TMTC4: variants seen among roughly 807,000 people sequenced by gnomAD.
TMTC4 encodes transmembrane O-mannosyltransferase targeting cadherins 4, also known as protein O-mannosyl-transferase TMTC4.
In TMTC4, 65 loss-of-function variants were observed where a neutral mutation model predicts 86.0. That is an observed-to-expected ratio of 0.76 (90% confidence interval 0.62 to 0.93). The LOEUF is 0.93. Among genes scored for constraint, TMTC4 ranks in the 40% least tolerant of loss-of-function variants. The pLI is 0.00. For synonymous variants in TMTC4, 379 were observed against 382.5 expected, an observed-to-expected ratio of 0.99 and a Z score of 0.11; for missense variants, 866 against 948.1, an observed-to-expected ratio of 0.91 and a Z score of 1.14.
In TMTC4 at chr13:100,606,224, C is replaced by T. The variant is rs544888504; in HGVS notation, c.2134+134G>A. On this transcript the variant is annotated intron_variant, in intron 18 of 18. Coordinates refer to ENST00000342624, the MANE Select transcript of TMTC4 (RefSeq NM_032813.5). Reference sequence around the variant, plus strand: ...CTATCACTTTGCTATCTTTTTAATGCAATAACAGAACCACATTTTAAAGCC... The same window carrying T: ...CTATCACTTTGCTATCTTTTTAATGTAATAACAGAACCACATTTTAAAGCC... The T allele has an allele frequency of 1.1e-4, 83 of 766,576 alleles. No homozygotes were observed. In the African/African-American group the frequency reaches 1.3e-3, roughly 12 times the overall value. 47.5% of individuals were successfully genotyped at this position (766,576 alleles called of 1,614,324 possible).
intron 6 of TMTC4, 41 bp downstream of exon 6, chr13:100,656,340 T>A: frequency 3.2e-6 from 5 of 1,564,886 alleles, no homozygotes; most frequent in Non-Finnish European, 4.4e-6. Context: ...GACAAAAACA[T>A]GAAGAAGGTG....
chr13:100,665,327 G>T (rs1467004932), intron 3 of TMTC4, among the ~76,000 whole-genome samples: 2 of 152,178 alleles, frequency 1.3e-5, no homozygotes, highest in Admixed American at 1.3e-4. Flanking sequence ...GTGTTTTAGG[G>T]ACTAGAAATT....
At chr13:100,658,501 C>T (rs765840271) in intron 5 of TMTC4, among the ~76,000 whole-genome samples, 261 of 151,904 alleles carry the variant, frequency 1.7e-3, no homozygotes, top group Middle Eastern at 3.4e-3. Flanking sequence ...ACAAGCCTGT[C>T]CGAAGGGGAC....
intron 13 of TMTC4, 66 bp downstream of exon 13, chr13:100,626,005 T>G: frequency 6.2e-7 from 1 of 1,601,944 alleles, no homozygotes; most frequent in Non-Finnish European, 8.6e-7. Flanking sequence ...AAGGAACAGG[T>G]GTTTCATATT....
At chr13:100,661,464 AG>A (rs529642428) in intron 5 of TMTC4, among the ~76,000 whole-genome samples, 174 of 152,364 alleles carry the variant, frequency 1.1e-3, no homozygotes, top group South Asian at 4.3e-3. Flanking sequence ...TTAGACGAGA[AG>A]GAAGACAGAA....
chr13:100,674,545 A>G, intron 1 of TMTC4, 199 bp downstream of exon 1: 1 of 981,022 alleles, frequency 1.0e-6, no homozygotes, highest in Non-Finnish European at 1.2e-6. Context: ...CGGCTCACAC[A>G]GGGGCCCGCG....
chr13:100,607,024 T>C (rs1349557599), intron 17 of TMTC4, among the ~76,000 whole-genome samples: 1 of 152,200 alleles, frequency 6.6e-6, no homozygotes, highest in African/African-American at 2.4e-5. Context: ...TTCCAAGTCA[T>C]ACTCACTTCC....
chr13:100,665,496 G>A (rs937055612), intron 3 of TMTC4, among the ~76,000 whole-genome samples: 3 of 152,216 alleles, frequency 2.0e-5, no homozygotes, highest in Non-Finnish European at 4.4e-5. Flanking sequence ...CACGTGGCAG[G>A]AGCAAAACCA....
At chr13:100,672,559 T>C (rs190618552) in intron 1 of TMTC4, among the ~76,000 whole-genome samples, 3 of 152,232 alleles carry the variant, frequency 2.0e-5, no homozygotes, top group African/African-American at 7.2e-5. Flanking sequence ...GGTATGATCA[T>C]AGCTCACCAC....
chr13:100,605,730 A>C lies in TMTC4; in HGVS notation c.2135-588T>G, dbSNP rs1566550421. Among the ~76,000 whole-genome samples the C allele has an allele frequency of 6.6e-6, 1 of 152,200 alleles. No individual in the cohort carries two copies. The highest frequency in any genetic ancestry group is 1.5e-5 in the Non-Finnish European group (1 of 68,020). On this transcript the variant is annotated intron_variant, in intron 18 of 18. Coordinates refer to ENST00000342624, the MANE Select transcript of TMTC4 (RefSeq NM_032813.5). The surrounding 1 kb of genome is among the most constrained non-coding windows in gnomAD (Gnocchi z 4.3). ...TAACTTTCTATATGGGCAGAAGAGC[A>C]TCTGTGGACGCTTTTTGGCTTTTGT...
At chr13:100,634,628 A>G (rs1006611578) in intron 12 of TMTC4, among the ~76,000 whole-genome samples, 177 bp downstream of exon 12, 2 of 152,048 alleles carry the variant, frequency 1.3e-5, no homozygotes, top group African/African-American at 4.8e-5. Context: ...GCTGAGTGGA[A>G]TTTTAATGAA....
At chr13:100,607,428 A>G (rs1170927962) in intron 17 of TMTC4, among the ~76,000 whole-genome samples, 1 of 152,026 alleles carries the variant, frequency 6.6e-6, no homozygotes, top group Non-Finnish European at 1.5e-5. Context: ...GAGGCAGGAG[A>G]ATTGCTCCAA....
intron 6 of TMTC4, among the ~76,000 whole-genome samples, chr13:100,642,549 T>A (rs1883159397): frequency 6.6e-6 from 1 of 152,116 alleles, no homozygotes; most frequent in African/African-American, 2.4e-5. Context: ...GGAGGCACTG[T>A]CATGAAGCCC....
At chr13:100,638,207 T>G (rs1882533963) in intron 7 of TMTC4, 185 bp from the exon 8 acceptor site, 1 of 518,780 alleles carries the variant, frequency 1.9e-6, no homozygotes, top group African/African-American at 1.9e-5. Context: ...TAGCTCAAGG[T>G]AATAGATCAT....
At chr13:100,666,418 C>T (rs1417326570) in intron 3 of TMTC4, among the ~76,000 whole-genome samples, 1 of 152,164 alleles carries the variant, frequency 6.6e-6, no homozygotes, top group Non-Finnish European at 1.5e-5. Flanking sequence ...AAAAACACTG[C>T]CAAGACCATG....
Position 100,670,557 on chromosome 13 carries a change from A to G in TMTC4, c.-195T>C. On this transcript the variant is annotated 5_prime_UTR_variant, in exon 2 of 19. Coordinates refer to ENST00000342624, the MANE Select transcript of TMTC4 (RefSeq NM_032813.5). ...AGTCAAAGGATAAACCACTTCTCGA[A>G]TCTAAATTACAACTGCAAACACAAC... 1.9e-6 allele frequency: 1 copy of G among 540,130 alleles called. No individual in the cohort carries two copies. Among genetic ancestry groups the G allele is most frequent in the Non-Finnish European group, 3.2e-6 (1 of 311,554 alleles). The allele number at this position is 540,130 out of a possible 1,614,324, so 33.5% of individuals were successfully genotyped here.
At chr13:100,626,011 A>G (rs1880455417) in intron 13 of TMTC4, 60 bp downstream of exon 13, 12 of 1,606,712 alleles carry the variant, frequency 7.5e-6, no homozygotes, top group Non-Finnish European at 1.0e-5. Context: ...CAGGTGTTTC[A>G]TATTAGAAAG....
Position 100,636,661 on chromosome 13 carries a change from C to G in TMTC4, c.1073G>C (p.Trp358Ser), listed in dbSNP as rs1230996663. ...LLCPWWLCFD[W>S]SMGCIPLIKS... ...AATGAGGGGGATGCAGCCCATTGAC[C>G]AATCAAAACACAGCCACCAGGGACA... Residue 358 changes from tryptophan (W) to serine (S), a missense_variant, in exon 10 of 19, where the codon TGG becomes TCG. By Grantham distance (177) the Trp-to-Ser change is radical (BLOSUM62 -3). Transcript: ENST00000342624. 1.9e-6 allele frequency: 3 copies of G among 1,614,016 alleles called. No individual in the cohort carries two copies. Among genetic ancestry groups the G allele is most frequent in the Non-Finnish European group, 2.5e-6 (3 of 1,180,028 alleles).
chr13:100,674,835 G>T, upstream of TMTC4: 4 of 972,992 alleles, frequency 4.1e-6, no homozygotes, highest in Non-Finnish European at 4.9e-6. Flanking sequence ...CAGGGGGAGG[G>T]GCCGCCCGCC....
Sources: gnomAD v4.1 joint callset for allele counts (sites outside exome capture counted in the v4.1 genomes callset) on GRCh38, gnomAD v4.1.1 for gene constraint, Gnocchi (gnomAD v3.1) non-coding constraint, MANE v1.5 for transcripts, NCBI Gene and HGNC (gene_info 2026-07-23, HGNC 2026-07-21) for gene names.